Variants in TMTC2 observed in about 807,000 individuals in gnomAD.
TMTC2 encodes protein O-mannosyl-transferase TMTC2.
TMTC2 carries 43 observed loss-of-function variants against 82.4 expected under a neutral mutation model. That is an observed-to-expected ratio of 0.52 (90% CI 0.41 to 0.67). The LOEUF (loss-of-function observed/expected upper bound fraction) is 0.67, where lower values mean the gene tolerates loss of function less well. TMTC2 is among the 30% of genes least tolerant of loss of function. The pLI, the probability that TMTC2 is intolerant of heterozygous loss-of-function variation, is 0.00. For missense variants in TMTC2, 919 were observed against 1,012.4 expected, an observed-to-expected ratio of 0.91 and a Z score of 1.25; for synonymous variants, 408 against 381.9, an observed-to-expected ratio of 1.07 and a Z score of -0.80.
At chr12:83,120,437 C>A (rs1159403438) in intron 11 of TMTC2, among the ~76,000 whole-genome samples, 3 of 152,152 alleles carry the variant, frequency 2.0e-5, no homozygotes, top group Non-Finnish European at 2.9e-5. Flanking sequence ...ATACAAAATT[C>A]TTAGCTGAGA....
intron 1 of TMTC2, among the ~76,000 whole-genome samples, chr12:82,775,607 A>C (rs1018178903): frequency 1.3e-5 from 2 of 152,146 alleles, no homozygotes; most frequent in Non-Finnish European, 2.9e-5. Context: ...CATGAAATAC[A>C]TAGAGTTCTA....
rs757056128 is a variant in TMTC2 at position 82,930,505 on chromosome 12, T to C, written c.1558T>C (p.Leu520=). The part of the protein sequence containing the change: ...SEAESAYRNA[L]YYRSNMADML... ...AGCTGAAAGCGCCTATAGAAATGCT[T>C]TGTACTACCGCAGCAACATGGCTGA... The change falls in exon 4 of 12, where the codon TTG becomes CTG. Residue 520 remains leucine (L), a synonymous_variant. Coordinates refer to ENST00000321196, the MANE Select transcript of TMTC2 (RefSeq NM_152588.3). The C allele has an allele frequency of 1.9e-6, 3 of 1,604,946 alleles. No homozygotes were observed. Among genetic ancestry groups the C allele is most frequent in the East Asian group, 4.5e-5 (2 of 44,582 alleles).
chr12:82,967,757 C>T (rs529886216), intron 7 of TMTC2, among the ~76,000 whole-genome samples: 2 of 152,012 alleles, frequency 1.3e-5, no homozygotes, highest in African/African-American at 4.8e-5. Context: ...AGCATTTTGT[C>T]CTCAAATCAA....
At chr12:82,814,612 G>A (rs1868583383) in intron 1 of TMTC2, among the ~76,000 whole-genome samples, 1 of 152,088 alleles carries the variant, frequency 6.6e-6, no homozygotes, top group Non-Finnish European at 1.5e-5. Flanking sequence ...GAGAGAAAAA[G>A]AACCAGAATT....
At chr12:83,037,746 G>A (rs1354063278) in intron 9 of TMTC2, among the ~76,000 whole-genome samples, 1 of 151,818 alleles carries the variant, frequency 6.6e-6, no homozygotes, top group Non-Finnish European at 1.5e-5. Context: ...TTTTATAATT[G>A]AAACTTTCCC....
chr12:82,982,499 CT>C (rs957858185), intron 7 of TMTC2, among the ~76,000 whole-genome samples: 32 of 150,828 alleles, frequency 2.1e-4, no homozygotes, highest in African/African-American at 7.8e-4. Flanking sequence ...TATATACACC[CT>C]TTTTGTGTTA....
chr12:82,711,983 C>T (rs563046374), intron 1 of TMTC2, among the ~76,000 whole-genome samples: 10 of 152,206 alleles, frequency 6.6e-5, no homozygotes, highest in Admixed American at 2.0e-4. Flanking sequence ...TCATACAGCA[C>T]GCTCTATCTT....
At chr12:82,952,068 C>T (rs188421112) in intron 4 of TMTC2, among the ~76,000 whole-genome samples, 71 of 152,224 alleles carry the variant, frequency 4.7e-4, no homozygotes, top group African/African-American at 1.6e-3. Context: ...TGGTATCTCC[C>T]GCGGAGCTCA....
At chr12:83,025,087 G>C (rs1881102524) in intron 8 of TMTC2, among the ~76,000 whole-genome samples, 1 of 152,076 alleles carries the variant, frequency 6.6e-6, no homozygotes, top group African/African-American at 2.4e-5. Context: ...AGCTTCTCTG[G>C]AGGCTGAGGC....
intron 1 of TMTC2, among the ~76,000 whole-genome samples, chr12:82,802,897 A>G (rs1879079016): frequency 6.6e-6 from 1 of 152,206 alleles, no homozygotes; most frequent in Non-Finnish European, 1.5e-5. Flanking sequence ...CGATGGAGAC[A>G]CATTCAAGGA....
chr12:82,883,530 C>T (rs1430586752), intron 2 of TMTC2, among the ~76,000 whole-genome samples: 1 of 152,146 alleles, frequency 6.6e-6, no homozygotes, highest in Non-Finnish European at 1.5e-5. Flanking sequence ...TGAGTGAAGT[C>T]TCATTATAAT....
intron 4 of TMTC2, among the ~76,000 whole-genome samples, chr12:82,951,546 C>T (rs1877346816): frequency 6.6e-6 from 1 of 152,170 alleles, no homozygotes; most frequent in Non-Finnish European, 1.5e-5. Flanking sequence ...GTCTCGAACT[C>T]CTGAGCTCAG....
At chr12:82,688,578 G>T (rs369697855) in intron 1 of TMTC2, among the ~76,000 whole-genome samples, 8 of 152,062 alleles carry the variant, frequency 5.3e-5, no homozygotes, top group Non-Finnish European at 1.2e-4. Context: ...GTGTCCTTCC[G>T]GTGTCTTAAT....
intron 4 of TMTC2, among the ~76,000 whole-genome samples, chr12:82,942,266 C>A (rs1255423428): frequency 6.6e-6 from 1 of 152,044 alleles, no homozygotes; most frequent in Non-Finnish European, 1.5e-5. Context: ...ATTTGTTAAT[C>A]AGAAAAAATT....
In TMTC2 at chr12:82,782,776, C is replaced by T. The variant is rs572854802; in HGVS notation, c.84-74234C>T. On this transcript the variant is annotated intron_variant, in intron 1 of 11. Transcript: ENST00000321196. ...GTACAATGTGGATGGCTATTTGTGG[C>T]GTTATGATTCAAGGCTTGTGTGATG... 7.9e-5 allele frequency among the ~76,000 whole-genome samples: 12 copies of T among 152,218 alleles called. No homozygotes were observed. In the South Asian group the frequency reaches 1.7e-3, roughly 21 times the overall value.
In TMTC2 at chr12:82,787,946, A is replaced by T. The variant is rs1385389854; in HGVS notation, c.84-69064A>T. On this transcript the variant is annotated intron_variant, in intron 1 of 11. Transcript: ENST00000321196. ...ATAATAATAATAATTTTAAAAAAGT[A>T]AATGTCCTTAGACCACCAGTAGGCT... 9.2e-5 allele frequency among the ~76,000 whole-genome samples: 14 copies of T among 152,114 alleles called. No individual in the cohort carries two copies. The East Asian group carries it at 2.7e-3, about 29-fold the overall frequency.
At chr12:83,100,134 G>A (rs1381447905) in intron 11 of TMTC2, among the ~76,000 whole-genome samples, 3 of 151,868 alleles carry the variant, frequency 2.0e-5, no homozygotes, top group African/African-American at 4.8e-5. Context: ...TGGTCAGGCC[G>A]GTCTTGAACT....
intron 8 of TMTC2, among the ~76,000 whole-genome samples, chr12:83,013,254 G>A (rs762237745): frequency 9.9e-5 from 15 of 151,498 alleles, no homozygotes; most frequent in Admixed American, 5.2e-4. Flanking sequence ...GAAATTAATC[G>A]ATTAGTTATT....
In TMTC2 at chr12:83,020,934, T is replaced by A. The variant is rs1286823098; in HGVS notation, c.2071-9864T>A. On this transcript the variant is annotated intron_variant, in intron 8 of 11. Coordinates refer to ENST00000321196, the MANE Select transcript of TMTC2 (RefSeq NM_152588.3). ...CTTAAAATCTATCTTTTTTTACTCA[T>A]AATGTCAAAGCTGTGTAGAAAGCAA... Among the ~76,000 whole-genome samples, 3 of 152,230 alleles carry A rather than the reference T, an allele frequency of 2.0e-5. No homozygotes were observed. In the East Asian group the frequency reaches 5.8e-4, roughly 29 times the overall value.
Sources: allele counts gnomAD v4.1 joint callset (sites outside exome capture counted in the v4.1 genomes callset), GRCh38; gene constraint gnomAD v4.1.1; transcripts MANE v1.5; gene names NCBI Gene and HGNC (gene_info 2026-07-23, HGNC 2026-07-21).